The following MACROD2 variants were observed in gnomAD, a reference collection of about 807,000 sequenced individuals.
The protein encoded by MACROD2 is mono-ADP ribosylhydrolase 2, also known as ADP-ribose glycohydrolase MACROD2.
MACROD2 carries 36 observed loss-of-function variants against 70.4 expected under a neutral mutation model. That is an observed-to-expected ratio of 0.51 (90% confidence interval 0.39 to 0.68). The LOEUF (loss-of-function observed/expected upper bound fraction) is 0.68, where lower values mean the gene tolerates loss of function less well. Among genes scored for constraint, MACROD2 ranks in the 30% least tolerant of loss-of-function variants. The pLI is 0.00. For synonymous variants in MACROD2, 172 were observed against 178.8 expected (o/e 0.96, Z 0.30); for missense variants, 496 against 538.4 (o/e 0.92, Z 0.78).
chr20:14,625,144 A>G (rs59113870), intron 4 of MACROD2, among the ~76,000 whole-genome samples: 9,168 of 151,984 alleles, frequency 0.06, 377 homozygotes, highest in East Asian at 0.15. Flanking sequence ...AGCCTGACCA[A>G]CATGAAACCC....
chr20:15,684,571 A>G (rs1334753048), intron 8 of MACROD2, among the ~76,000 whole-genome samples: 2 of 152,216 alleles, frequency 1.3e-5, no homozygotes, highest in Non-Finnish European at 1.5e-5. Context: ...TTTTTGATCC[A>G]TATTGGCTTA....
intron 2 of MACROD2, among the ~76,000 whole-genome samples, chr20:14,069,383 G>T (rs1386821746): frequency 6.6e-6 from 1 of 151,940 alleles, no homozygotes; most frequent in Non-Finnish European, 1.5e-5. Context: ...TGCATGACAT[G>T]TGAGCAGAGG....
chr20:15,210,804 A>G (rs940394968), intron 5 of MACROD2, among the ~76,000 whole-genome samples: 1 of 152,048 alleles, frequency 6.6e-6, no homozygotes, highest in Admixed American at 6.6e-5. Context: ...TGTAAGATGT[A>G]CCTGCTTCCC....
intron 5 of MACROD2, among the ~76,000 whole-genome samples, chr20:14,711,897 C>T (rs546224087): frequency 5.3e-5 from 8 of 152,260 alleles, no homozygotes; most frequent in Admixed American, 1.3e-4. Flanking sequence ...TAATAGGAAT[C>T]GCCTTAGAGC....
At chr20:15,529,136 C>A (rs893245519) in intron 8 of MACROD2, among the ~76,000 whole-genome samples, 1 of 152,156 alleles carries the variant, frequency 6.6e-6, no homozygotes, top group African/African-American at 2.4e-5. Flanking sequence ...TTGCTACTCT[C>A]CCATTCTTGA....
intron 3 of MACROD2, among the ~76,000 whole-genome samples, chr20:14,307,278 G>T (rs1368407951): frequency 2.6e-5 from 4 of 152,046 alleles, no homozygotes; most frequent in Non-Finnish European, 4.4e-5. Flanking sequence ...ATTTTGGTTG[G>T]GGAATAGAAA....
intron 3 of MACROD2, among the ~76,000 whole-genome samples, chr20:14,413,396 T>C (rs1225401333): frequency 6.6e-6 from 1 of 152,082 alleles, no homozygotes; most frequent in Non-Finnish European, 1.5e-5. Context: ...ATTTGAACAA[T>C]GTTCATGTAT....
intron 3 of MACROD2, among the ~76,000 whole-genome samples, chr20:14,181,951 T>C (rs2081308744): frequency 6.6e-6 from 1 of 152,256 alleles, no homozygotes. Flanking sequence ...TCTGTGAATA[T>C]TTGTTTGCAA....
chr20:15,404,498 A>G (rs2045970787), intron 6 of MACROD2, among the ~76,000 whole-genome samples: 1 of 152,244 alleles, frequency 6.6e-6, no homozygotes, highest in African/African-American at 2.4e-5. Context: ...AGGACCACAC[A>G]TGTGGATGCC....
intron 8 of MACROD2, among the ~76,000 whole-genome samples, chr20:15,601,767 G>A (rs563145249): frequency 2.6e-5 from 4 of 152,318 alleles, no homozygotes; most frequent in East Asian, 1.9e-4. Context: ...GGTGGCTCAC[G>A]CCTGTAATCT....
chr20:14,472,823 C>G (rs2084545300), intron 3 of MACROD2, among the ~76,000 whole-genome samples: 1 of 151,888 alleles, frequency 6.6e-6, no homozygotes, highest in Non-Finnish European at 1.5e-5. Context: ...ATTTGGTGGT[C>G]CTGGTGAGTG....
intron 5 of MACROD2, among the ~76,000 whole-genome samples, chr20:15,125,999 AT>A (rs200703315): frequency 0.031 from 3,994 of 128,228 alleles, 100 homozygotes; most frequent in Middle Eastern, 0.13. Context: ...ATGTTGTAGC[AT>A]GTATCAGTAC....
chr20:15,515,496 C>T (rs901105569), intron 8 of MACROD2, among the ~76,000 whole-genome samples: 3 of 152,204 alleles, frequency 2.0e-5, no homozygotes, highest in East Asian at 1.9e-4. Context: ...AAACTTTTCC[C>T]TTCCAAATAT....
intron 5 of MACROD2, among the ~76,000 whole-genome samples, chr20:14,868,834 T>G (rs1791768463): frequency 6.6e-6 from 1 of 152,154 alleles, no homozygotes; most frequent in South Asian, 2.1e-4. Context: ...TGAGACTGTA[T>G]GTATTGCCAT....
chr20:14,579,713 C>T (rs922898318), intron 4 of MACROD2, among the ~76,000 whole-genome samples: 1 of 151,992 alleles, frequency 6.6e-6, no homozygotes. Context: ...TTATGTATTG[C>T]AATCATTTTG....
chr20:14,368,290 C>T (rs866793730), intron 3 of MACROD2, among the ~76,000 whole-genome samples: 21 of 152,214 alleles, frequency 1.4e-4, no homozygotes, highest in African/African-American at 3.6e-4. Flanking sequence ...CAGTGGCTCA[C>T]GCCTGTAATT....
intron 5 of MACROD2, among the ~76,000 whole-genome samples, chr20:14,940,312 C>G (rs2074379464): frequency 6.6e-6 from 1 of 152,126 alleles, no homozygotes. Context: ...ACTGCCTGAG[C>G]AACAGAGTGA....
At chr20:15,146,769 T>C (rs556887653) in intron 5 of MACROD2, among the ~76,000 whole-genome samples, 1 of 152,282 alleles carries the variant, frequency 6.6e-6, no homozygotes, top group East Asian at 1.9e-4. Context: ...AGGAAAATGA[T>C]CTTTTGTTTT....
intron 6 of MACROD2, among the ~76,000 whole-genome samples, chr20:15,348,104 G>C (rs1484054876): frequency 6.6e-6 from 1 of 152,148 alleles, no homozygotes; most frequent in Admixed American, 6.5e-5. Flanking sequence ...ATTACATGTG[G>C]ATGCAAGTGA....
Sources: allele counts gnomAD v4.1 joint callset (sites outside exome capture counted in the v4.1 genomes callset), GRCh38; gene constraint gnomAD v4.1.1; transcripts MANE v1.5; gene names NCBI Gene and HGNC (gene_info 2026-07-23, HGNC 2026-07-21).